Variants in VPS35L observed in about 807,000 individuals in gnomAD.
The protein encoded by VPS35L is VPS35 endosomal protein-sorting factor-like.
In VPS35L, 83 loss-of-function variants were observed where a neutral mutation model predicts 133.0. The observed-to-expected ratio is 0.62, with a 90% CI of 0.52 to 0.75. The LOEUF (loss-of-function observed/expected upper bound fraction) is 0.75, where lower values mean the gene tolerates loss of function less well. Among genes scored for constraint, VPS35L ranks in the 30% least tolerant of loss-of-function variants. The probability of loss-of-function intolerance (pLI) is 0.00; values close to 1 mark genes in which losing one functional copy is unlikely to be tolerated. For missense variants in VPS35L, 1,083 were observed against 1,206.8 expected (o/e 0.90, Z 1.52); for synonymous variants, 423 against 449.9 (o/e 0.94, Z 0.76).
chr16:19,666,334 A>G (rs999449192), intron 26 of VPS35L, among the ~76,000 whole-genome samples: 15 of 152,198 alleles, frequency 9.9e-5, no homozygotes, highest in African/African-American at 3.6e-4. Flanking sequence ...ATGAGCTTCC[A>G]TAGCTCTTAA....
intron 14 of VPS35L, 48 bp downstream of exon 14, chr16:19,616,856 C>T (rs766591540): frequency 3.7e-6 from 6 of 1,612,962 alleles, no homozygotes; most frequent in South Asian, 3.3e-5. Context: ...TGTATGGTGA[C>T]AGCCCCTGCC....
chr16:19,603,689 C>G (rs1251478442), intron 9 of VPS35L, among the ~76,000 whole-genome samples: 1 of 152,134 alleles, frequency 6.6e-6, no homozygotes, highest in Non-Finnish European at 1.5e-5. Flanking sequence ...AAAGGAAAGG[C>G]CTTCTCCGCT....
chr16:19,567,424 T>C (rs1232123807), intron 2 of VPS35L, among the ~76,000 whole-genome samples: 1 of 152,180 alleles, frequency 6.6e-6, no homozygotes, highest in Admixed American at 6.6e-5. Flanking sequence ...CCTTGGGAAC[T>C]GAGAACAGAG....
At position 19,691,455 on chromosome 16, in the gene VPS35L, C is replaced by T. The variant is rs1975681678; in HGVS notation, c.2630C>T (p.Thr877Ile). Reference sequence around the variant, plus strand: ...GCTCAGATCCTAGAGCATCTGAAAACCCTGGCCAAGGACGAGGTGGGTGCC... The same window carrying T: ...GCTCAGATCCTAGAGCATCTGAAAATCCTGGCCAAGGACGAGGTGGGTGCC... ...VMAQILEHLK[T>I]LAKDEALKRQ... The change falls in exon 29 of 31, where the codon ACC becomes ATC. Residue 877 changes from threonine to isoleucine, a missense_variant. By Grantham distance (89) the Thr-to-Ile change is moderately conservative. Coordinates refer to ENST00000417362, the MANE Select transcript of VPS35L (RefSeq NM_020314.7). 1 of 1,613,868 alleles carries T rather than the reference C, an allele frequency of 6.2e-7. No individual in the cohort carries two copies. Among genetic ancestry groups the T allele is most frequent in the Non-Finnish European group, 8.5e-7 (1 of 1,179,806 alleles).
At chr16:19,616,880 A>G (rs1221007659) in intron 14 of VPS35L, 72 bp downstream of exon 14, 2 of 1,595,492 alleles carry the variant, frequency 1.3e-6, no homozygotes, top group East Asian at 4.5e-5. Flanking sequence ...TGTGCCCTTT[A>G]ACGTTAATGG....
rs111902476 is a variant in VPS35L, at chr16:19,637,138, A to G, written c.1636-456A>G. ...TGGCAATGGCTGCTTTTGCACTGCA[A>G]TAGTGTTGAGTAGTTGTGGTGGACT... On this transcript the variant is annotated intron_variant, in intron 19 of 30. Coordinates refer to ENST00000417362, the MANE Select transcript of VPS35L (RefSeq NM_020314.7). 4.1e-3 allele frequency among the ~76,000 whole-genome samples: 625 copies of G among 152,362 alleles called. 4 individuals carry two copies. Among genetic ancestry groups the G allele is most frequent in the African/African-American group, 0.014 (594 of 41,580 alleles).
intron 12 of VPS35L, among the ~76,000 whole-genome samples, chr16:19,613,848 C>CT (rs1798020861): frequency 6.6e-6 from 1 of 152,132 alleles, no homozygotes. Context: ...AGAGACAAAT[C>CT]TAATTTGCCG....
At chr16:19,640,214 A>C (rs550051430) in intron 21 of VPS35L, 114 bp downstream of exon 21, 17 of 885,658 alleles carry the variant, frequency 1.9e-5, no homozygotes, top group Non-Finnish European at 2.8e-5. Context: ...TATTTCATAC[A>C]GAAAACCACA....
chr16:19,654,191 C>A (rs1974223397), intron 26 of VPS35L, among the ~76,000 whole-genome samples: 1 of 152,078 alleles, frequency 6.6e-6, no homozygotes, highest in South Asian at 2.1e-4. Context: ...CTTACGGAGG[C>A]CTCTGCTGGC....
intron 3 of VPS35L, among the ~76,000 whole-genome samples, chr16:19,571,448 C>T (rs186030818): frequency 2.0e-5 from 3 of 152,200 alleles, no homozygotes; most frequent in Non-Finnish European, 4.4e-5. Context: ...AACTCCTGGG[C>T]ACAAGCAATC....
chr16:19,611,089 G>A lies in VPS35L; in HGVS notation c.1023+674G>A, dbSNP rs537875050. Among the ~76,000 whole-genome samples, 253 of 152,058 alleles carry A rather than the reference G, an allele frequency of 1.7e-3. 1 individual carries two copies. The highest frequency in any genetic ancestry group is 1.9e-3 in the Non-Finnish European group (129 of 67,990). ...ATCTCGGCTCATTTCAACCTCCACC[G>A]CCTGGGTTCAAATGATTCTCCTGTC... is the stretch of plus-strand genomic sequence containing the variant. On this transcript the variant is annotated intron_variant, in intron 12 of 30. Coordinates refer to ENST00000417362, the MANE Select transcript of VPS35L (RefSeq NM_020314.7).
At chr16:19,637,267 C>T (rs990820774) in intron 19 of VPS35L, among the ~76,000 whole-genome samples, 4 of 152,158 alleles carry the variant, frequency 2.6e-5, no homozygotes, top group Non-Finnish European at 4.4e-5. Context: ...GGACCTTCCA[C>T]GAACCATTCC....
At chr16:19,556,276 A>G (rs1282979965) in intron 1 of VPS35L, among the ~76,000 whole-genome samples, 1 of 152,160 alleles carries the variant, frequency 6.6e-6, no homozygotes, top group Non-Finnish European at 1.5e-5. Context: ...GACGCACAGT[A>G]GAGGGATGTC....
intron 29 of VPS35L, among the ~76,000 whole-genome samples, chr16:19,698,155 A>G (rs1975981076): frequency 6.6e-6 from 1 of 152,168 alleles, no homozygotes; most frequent in Non-Finnish European, 1.5e-5. Flanking sequence ...GAGGCACTGG[A>G]AAGAATCTAC....
intron 1 of VPS35L, among the ~76,000 whole-genome samples, chr16:19,563,732 C>G (rs1250711723): frequency 6.6e-6 from 1 of 152,224 alleles, no homozygotes; most frequent in East Asian, 1.9e-4. Context: ...CTGCGTGGCT[C>G]CTTTCTCTTG....
At chr16:19,629,694 C>T in intron 17 of VPS35L, 73 bp from the exon 18 acceptor site, 1 of 1,366,758 alleles carries the variant, frequency 7.3e-7, no homozygotes, top group South Asian at 1.2e-5. Context: ...ACAGAGCCAG[C>T]TGAAGCCTCC....
At chr16:19,634,744 T>C (rs1000068965) in intron 19 of VPS35L, among the ~76,000 whole-genome samples, 10 of 152,196 alleles carry the variant, frequency 6.6e-5, no homozygotes, top group African/African-American at 2.2e-4. Context: ...GAGTTTTGCA[T>C]GCATTGAGGA....
chr16:19,640,645 A>G (rs1174277751), intron 21 of VPS35L, among the ~76,000 whole-genome samples: 1 of 152,240 alleles, frequency 6.6e-6, no homozygotes, highest in Non-Finnish European at 1.5e-5. Context: ...AAAAAATCAA[A>G]TTTAGTTCTT....
chr16:19,688,986 T>C (rs1250350993), intron 28 of VPS35L, among the ~76,000 whole-genome samples: 1 of 151,686 alleles, frequency 6.6e-6, no homozygotes, highest in Non-Finnish European at 1.5e-5. Flanking sequence ...TACGCAGACA[T>C]GACAACAAAG....
Sources: gnomAD v4.1 joint callset for allele counts (sites outside exome capture counted in the v4.1 genomes callset) on GRCh38, gnomAD v4.1.1 for gene constraint, MANE v1.5 for transcripts, NCBI Gene and HGNC (gene_info 2026-07-23, HGNC 2026-07-21) for gene names.